Variants in RNF144A observed in about 807,000 individuals in gnomAD.
RNF144A encodes E3 ubiquitin-protein ligase RNF144A.
RNF144A carries 11 observed loss-of-function variants against 38.7 expected under a neutral mutation model. The observed-to-expected ratio is 0.28, with a 90% CI of 0.18 to 0.47. The LOEUF (loss-of-function observed/expected upper bound fraction) is 0.47. Ranked by LOEUF, RNF144A falls within the 20% of genes least tolerant of loss-of-function variation. RNF144A has a pLI of 0.99. For synonymous variants in RNF144A, 149 were observed against 143.9 expected, an observed-to-expected ratio of 1.04 and a Z score of -0.25; for missense variants, 316 against 377.2, an observed-to-expected ratio of 0.84 and a Z score of 1.34.
Position 6,944,659 on chromosome 2 carries a change from T to C in RNF144A, c.-12+3512T>C, listed in dbSNP as rs1020768691. Reference sequence around the variant, plus strand: ...TGCAGTGCTTTTGCTGGCCCCGAGATAGGGTCTCCTCAGGTGTGAGGGAGA... The same window carrying C: ...TGCAGTGCTTTTGCTGGCCCCGAGACAGGGTCTCCTCAGGTGTGAGGGAGA... On this transcript the variant is annotated intron_variant, in intron 2 of 8. Coordinates refer to ENST00000320892, the MANE Select transcript of RNF144A (RefSeq NM_014746.6). The surrounding 1 kb of genome is among the most constrained non-coding windows in gnomAD (Gnocchi z 4.7). Among the ~76,000 whole-genome samples, 18 of 152,066 alleles carry C rather than the reference T, an allele frequency of 1.2e-4. No individual in the cohort carries two copies. Among genetic ancestry groups the C allele is most frequent in the Non-Finnish European group, 1.8e-4 (12 of 67,990 alleles).
At chr2:6,923,628 C>T (rs1433902301) in intron 1 of RNF144A, among the ~76,000 whole-genome samples, 2 of 152,320 alleles carry the variant, frequency 1.3e-5, no homozygotes, top group Non-Finnish European at 2.9e-5. Flanking sequence ...GAGATGCTCT[C>T]CTCTGACACT....
chr2:7,020,936 T>G (rs1037182182), intron 6 of RNF144A, among the ~76,000 whole-genome samples: 1 of 152,228 alleles, frequency 6.6e-6, no homozygotes, highest in Non-Finnish European at 1.5e-5. Flanking sequence ...TTAACACGGC[T>G]TGGCTGGAAT....
At chr2:6,998,601 T>C (rs1669908728) in intron 3 of RNF144A, among the ~76,000 whole-genome samples, 1 of 152,200 alleles carries the variant, frequency 6.6e-6, no homozygotes. Context: ...CTCAATACTG[T>C]AGTTGCCATC....
intron 6 of RNF144A, among the ~76,000 whole-genome samples, chr2:7,051,688 A>AG (rs1673533319): frequency 6.6e-6 from 1 of 152,210 alleles, no homozygotes; most frequent in Non-Finnish European, 1.5e-5. Flanking sequence ...CAGGAGTTTG[A>AG]GACCAGCCTG....
At chr2:6,945,024 AG>A (rs1445980387) in intron 2 of RNF144A, among the ~76,000 whole-genome samples, 9 of 152,238 alleles carry the variant, frequency 5.9e-5, no homozygotes, top group African/African-American at 2.2e-4. Flanking sequence ...GTTTTTCCCA[AG>A]TAGGAAATAT....
At chr2:6,920,778 T>G (rs962368994) in intron 1 of RNF144A, among the ~76,000 whole-genome samples, 1 of 152,222 alleles carries the variant, frequency 6.6e-6, no homozygotes, top group Non-Finnish European at 1.5e-5. Context: ...CTGAAACACA[T>G]GAATACCCTT....
intron 2 of RNF144A, among the ~76,000 whole-genome samples, chr2:6,989,465 A>G (rs543791373): frequency 7.9e-5 from 12 of 152,312 alleles, no homozygotes; most frequent in South Asian, 6.2e-4. Flanking sequence ...GAACTTGGCC[A>G]TTATTATTAC....
chr2:6,998,760 C>G (rs1669916595), intron 3 of RNF144A, among the ~76,000 whole-genome samples: 2 of 152,160 alleles, frequency 1.3e-5, no homozygotes, highest in African/African-American at 4.8e-5. Flanking sequence ...ATTGTCATTT[C>G]TAGATGAGTT....
At position 6,958,027 on chromosome 2, in the gene RNF144A, C is replaced by T. The variant is rs1233004251; in HGVS notation, c.-12+16880C>T. ...CAACGACAGAATGGGGTGGGGGAGT[C>T]GGGATGGAGCTCCAGGGAAGCAGAT... On this transcript the variant is annotated intron_variant, in intron 2 of 8. Transcript: ENST00000320892. This position sits in a 1 kb window ranked among gnomAD's most constrained non-coding sequence, Gnocchi z 4.5. Among the ~76,000 whole-genome samples, 1 of 152,156 alleles carries T rather than the reference C, an allele frequency of 6.6e-6. No homozygotes were observed. Among genetic ancestry groups the T allele is most frequent in the African/African-American group, 2.4e-5 (1 of 41,444 alleles).
At chr2:7,003,903 T>G (rs113355244) in intron 3 of RNF144A, among the ~76,000 whole-genome samples, 54 of 152,382 alleles carry the variant, frequency 3.5e-4, no homozygotes, top group African/African-American at 1.2e-3. Context: ...ATTGTTTGGC[T>G]ATTGTGTGGG....
In RNF144A at chr2:6,941,052, C is replaced by T. The variant is rs1167848157; in HGVS notation, c.-107C>T. On this transcript the variant is annotated 5_prime_UTR_variant, in exon 2 of 9. Coordinates refer to ENST00000320892, the MANE Select transcript of RNF144A (RefSeq NM_014746.6). This position sits in a 1 kb window ranked among gnomAD's most constrained non-coding sequence, Gnocchi z 6.5. ...CCCATTTCTCCCTATGGGTGCCTGA[C>T]CTGAGGGCAGAGACATCTGAGTGTG... 1 of 152,214 alleles carries T rather than the reference C, an allele frequency of 6.6e-6. No homozygotes were observed. The highest frequency in any genetic ancestry group is 2.4e-5 in the African/African-American group (1 of 41,428). 9.4% of individuals were successfully genotyped at this position (152,214 alleles called of 1,614,324 possible).
At chr2:6,986,754 C>T (rs1054601175) in intron 2 of RNF144A, among the ~76,000 whole-genome samples, 86 of 152,040 alleles carry the variant, frequency 5.7e-4, no homozygotes, top group Non-Finnish European at 2.1e-4. Context: ...TGCAATAAAA[C>T]ATTAAGGGTG....
At chr2:7,012,061 A>G (rs1174405779) in intron 3 of RNF144A, among the ~76,000 whole-genome samples, 2 of 152,176 alleles carry the variant, frequency 1.3e-5, no homozygotes. Context: ...ATGTTTTATC[A>G]TTATATACTG....
chr2:6,968,831 C>T (rs1317074099), intron 2 of RNF144A, among the ~76,000 whole-genome samples: 1 of 152,156 alleles, frequency 6.6e-6, no homozygotes, highest in Non-Finnish European at 1.5e-5. Context: ...GACTGGTGGT[C>T]AGAGCCCACG....
At chr2:7,017,306 T>TC (rs987850474) in intron 5 of RNF144A, among the ~76,000 whole-genome samples, 3 of 124,604 alleles carry the variant, frequency 2.4e-5, no homozygotes, top group African/African-American at 9.2e-5. Context: ...TGTATTGTTT[T>TC]TTTTTTTGTT....
At chr2:7,049,499 G>A (rs777479319) in intron 6 of RNF144A, among the ~76,000 whole-genome samples, 1 of 152,094 alleles carries the variant, frequency 6.6e-6, no homozygotes, top group Non-Finnish European at 1.5e-5. Context: ...CCTGAAAAAC[G>A]AGTCTCTTGG....
intron 8 of RNF144A, among the ~76,000 whole-genome samples, chr2:7,034,946 T>TA (rs1158554802): frequency 1.3e-5 from 2 of 152,156 alleles, no homozygotes; most frequent in African/African-American, 4.8e-5. Flanking sequence ...CTTAAGTCTG[T>TA]ATGGCACTAG....
intron 1 of RNF144A, among the ~76,000 whole-genome samples, chr2:6,921,246 G>A (rs936947765): frequency 2.6e-5 from 4 of 152,212 alleles, no homozygotes; most frequent in Admixed American, 6.5e-5. Flanking sequence ...CTTCCTGGAT[G>A]TTCCGTAGAA....
chr2:6,985,561 G>A (rs1325821609), intron 2 of RNF144A, among the ~76,000 whole-genome samples: 1 of 152,194 alleles, frequency 6.6e-6, no homozygotes, highest in South Asian at 2.1e-4. Context: ...TCTTAGGAAG[G>A]TGGATGTGGA....
Sources: gnomAD v4.1 joint callset for allele counts (sites outside exome capture counted in the v4.1 genomes callset) on GRCh38, gnomAD v4.1.1 for gene constraint, Gnocchi (gnomAD v3.1) non-coding constraint, MANE v1.5 for transcripts, NCBI Gene and HGNC (gene_info 2026-07-23, HGNC 2026-07-21) for gene names.